The following ERCC6L2 variants were observed in gnomAD, a reference collection of about 807,000 sequenced individuals.
ERCC6L2 encodes ERCC excision repair 6 like 2, also known as DNA excision repair protein ERCC-6-like 2.
Under a neutral mutation model 132.0 loss-of-function variants are expected in ERCC6L2, and 77 were observed. The ratio of observed to expected loss-of-function variants is 0.58; its 90% CI spans 0.49 to 0.71. The LOEUF is 0.71. Ranked by LOEUF, ERCC6L2 falls within the 30% of genes least tolerant of loss-of-function variation. The pLI is 0.00. For synonymous variants in ERCC6L2, 583 were observed against 632.4 expected (o/e 0.92, Z 1.17); for missense variants, 1,542 against 1,837.6 (o/e 0.84, Z 2.94).
chr9:96,036,789 C>T (rs1203098627), intron 19 of ERCC6L2, among the ~76,000 whole-genome samples: 17 of 140,556 alleles, frequency 1.2e-4, no homozygotes, highest in East Asian at 2.1e-4. Flanking sequence ...TTTTTTGAGA[C>T]GGAGTCTCAC....
chr9:95,930,805 T>C (rs988272994), intron 11 of ERCC6L2, among the ~76,000 whole-genome samples: 1 of 152,200 alleles, frequency 6.6e-6, no homozygotes, highest in Admixed American at 6.5e-5. Flanking sequence ...CCATTAACTT[T>C]CCACATGCCT....
In ERCC6L2 at chr9:95,894,584, CTTTTTTTTTTT is replaced by C. The variant is rs1218474585; in HGVS notation, c.472-3248_472-3238del. On this transcript the variant is annotated intron_variant, in intron 2 of 18. Coordinates refer to ENST00000653738, the MANE Select transcript of ERCC6L2 (RefSeq NM_020207.7). ...CTTCTGTGGCCTGGCATATGTCAGC[CTTTTTTTTTTT>C]TTTTTTTTTTTTTTTTGAGACGGAG... is the stretch of plus-strand genomic sequence containing the variant. Among the ~76,000 whole-genome samples, 401 of 83,504 alleles carry C rather than the reference CTTTTTTTTTTT, an allele frequency of 4.8e-3. 3 individuals are homozygous for C. Among genetic ancestry groups the C allele is most frequent in the Non-Finnish European group, 7.2e-3 (330 of 45,642 alleles). The allele number at this position is 83,504 out of a possible 152,430, so 54.8% of individuals were successfully genotyped here.
At chr9:95,960,550 TTGATTGGAG>T (rs1313969057) in intron 13 of ERCC6L2, among the ~76,000 whole-genome samples, 9 of 152,054 alleles carry the variant, frequency 5.9e-5, no homozygotes, top group Non-Finnish European at 1.0e-4. Flanking sequence ...CACAGAGGCA[TTGATTGGAG>T]TGGTGTGCCA....
chr9:95,948,790 A>AG lies in ERCC6L2; in HGVS notation c.1848-7123dup, dbSNP rs1381485428. Among the ~76,000 whole-genome samples the AG allele has an allele frequency of 6.9e-3, 927 of 133,816 alleles. 14 individuals carry two copies. Among genetic ancestry groups the AG allele is most frequent in the African/African-American group, 0.025 (888 of 35,800 alleles). 87.8% of individuals were successfully genotyped at this position (133,816 alleles called of 152,430 possible). On this transcript the variant is annotated intron_variant, in intron 12 of 18. Coordinates refer to ENST00000653738, the MANE Select transcript of ERCC6L2 (RefSeq NM_020207.7). Reference sequence around the variant, plus strand: ...TTTCAAGAAAAGACCACAAGACATTAGAAAAAAAAAAAAAAAAAGAAAAGA... The same window carrying AG: ...TTTCAAGAAAAGACCACAAGACATTAGGAAAAAAAAAAAAAAAAAGAAAAGA...
intron 20 of ERCC6L2, among the ~76,000 whole-genome samples, chr9:96,041,073 G>A (rs902612942): frequency 4.6e-5 from 7 of 152,178 alleles, no homozygotes; most frequent in Non-Finnish European, 1.0e-4. Context: ...AAATAAACAT[G>A]AGCCCCAGGT....
At position 95,876,058 on chromosome 9, in the gene ERCC6L2, A is replaced by G; in HGVS notation, c.20A>G (p.Gln7Arg). 6.3e-7 allele frequency: 1 copy of G among 1,585,670 alleles called. No individual in the cohort carries two copies. Reference sequence around the variant, plus strand: ...GGCCGGATGGATCCGTCGGCGCCACAGCCCCGCGCGGAAACCTCAGGCAAA... The same window carrying G: ...GGCCGGATGGATCCGTCGGCGCCACGGCCCCGCGCGGAAACCTCAGGCAAA... MDPSAPQPRAETSGKDI... is the reference protein window; with the variant it reads MDPSAPRPRAETSGKDI... The change falls in exon 1 of 19, where the codon CAG becomes CGG. Residue 7 changes from glutamine to arginine, a missense_variant. Gln to Arg is a conservative substitution (Grantham distance 43). This residue lies in a region of ERCC6L2 where 153 missense variants were observed against 132.3 expected (regional missense o/e 1.16). Coordinates refer to ENST00000653738, the MANE Select transcript of ERCC6L2 (RefSeq NM_020207.7).
rs1175560951 is a variant in ERCC6L2 at position 95,971,956 on chromosome 9, A to G, written c.2205A>G (p.Glu735=). The part of the protein sequence containing the change: ...LEMPRQPDCQ[E]CRGTEQAAEP... ...AGCCTAGACAGCCTGACTGTCAGGAATGCAGAGGTACAGAACAAGCTGCAG... is the reference window on the plus strand; with the variant it reads ...AGCCTAGACAGCCTGACTGTCAGGAGTGCAGAGGTACAGAACAAGCTGCAG... The change falls in exon 16 of 19, where the codon GAA becomes GAG. Residue 735 remains glutamate, a synonymous_variant. Transcript: ENST00000653738. 15 of 1,301,528 alleles carry G rather than the reference A, an allele frequency of 1.2e-5. No homozygotes were observed. In the South Asian group the frequency reaches 1.7e-4, roughly 15 times the overall value. 80.6% of individuals were successfully genotyped at this position (1,301,528 alleles called of 1,614,324 possible).
At chr9:95,968,667 C>A (rs1188802091) in intron 14 of ERCC6L2, 1 of 152,060 alleles carries the variant, frequency 6.6e-6, no homozygotes, top group Non-Finnish European at 1.5e-5. Context: ...GATTTCTGGG[C>A]AATTTCATTC....
chr9:96,015,147 A>G lies in ERCC6L2; in HGVS notation c.*1944A>G, dbSNP rs951272224. Among the ~76,000 whole-genome samples the G allele has an allele frequency of 6.8e-6, 1 of 146,178 alleles. No individual in the cohort carries two copies. Among genetic ancestry groups the G allele is most frequent in the Admixed American group, 7.0e-5 (1 of 14,262 alleles). On this transcript the variant is annotated 3_prime_UTR_variant, in exon 19 of 19. Coordinates refer to ENST00000653738, the MANE Select transcript of ERCC6L2 (RefSeq NM_020207.7). ...ACAACTCTTATGCCTCAGCCTCCTG[A>G]GTAGCTAGGATTACAGGTGTGTACC...
At chr9:95,906,469 G>A (rs960172245) in intron 3 of ERCC6L2, 12 of 343,400 alleles carry the variant, frequency 3.5e-5, no homozygotes, top group African/African-American at 1.5e-4. Flanking sequence ...CATGAGCAGC[G>A]TACCCATGGC....
At chr9:95,980,574 C>G (rs1157303886) in intron 17 of ERCC6L2, among the ~76,000 whole-genome samples, 3 of 152,132 alleles carry the variant, frequency 2.0e-5, no homozygotes, top group Non-Finnish European at 4.4e-5. Context: ...TGTTCCCAAT[C>G]ACTGATTTCA....
chr9:95,999,221 C>CACCA (rs1258604819), intron 17 of ERCC6L2, among the ~76,000 whole-genome samples: 2 of 152,004 alleles, frequency 1.3e-5, no homozygotes, highest in Non-Finnish European at 2.9e-5. Context: ...ATTAGCCAGG[C>CACCA]GTGGTGGTGG....
chr9:95,954,274 T>A (rs1831489129), intron 12 of ERCC6L2, among the ~76,000 whole-genome samples: 2 of 152,196 alleles, frequency 1.3e-5, no homozygotes, highest in Non-Finnish European at 2.9e-5. Context: ...TTTCCCCCTT[T>A]TTTTTGATCT....
downstream of ERCC6L2, chr9:96,020,928 T>C (rs1270152918): frequency 2.2e-6 from 1 of 456,590 alleles, no homozygotes; most frequent in African/African-American, 2.0e-5. Context: ...TCACCCACCC[T>C]CCAAGACGCG....
chr9:95,907,400 T>G, intron 4 of ERCC6L2, 129 bp downstream of exon 4: 1 of 716,140 alleles, frequency 1.4e-6, no homozygotes. Context: ...AGACGGAGTT[T>G]CGCCACGTTG....
rs1829910852 is a variant in ERCC6L2 at position 95,922,390 on chromosome 9, T to C, written c.1385T>C (p.Leu462Pro). 4 of 1,612,082 alleles carry C rather than the reference T, an allele frequency of 2.5e-6. No homozygotes were observed. Among genetic ancestry groups the C allele is most frequent in the East Asian group, 2.2e-5 (1 of 44,806 alleles). ...LQKVANHVAL[L>P]QAASTSKQQE... ...AAGGTAGCTAACCATGTCGCGCTACTGCAAGCTGCTAGTACTTCCAAACAA... is the reference window on the plus strand; with the variant it reads ...AAGGTAGCTAACCATGTCGCGCTACCGCAAGCTGCTAGTACTTCCAAACAA... The change falls in exon 8 of 19, where the codon CTG (leucine) becomes CCG (proline). Residue 462 changes from leucine to proline, a missense_variant. Transcript: ENST00000653738.
intron 13 of ERCC6L2, among the ~76,000 whole-genome samples, chr9:95,958,948 C>T (rs1831758269): frequency 1.3e-5 from 2 of 151,158 alleles, no homozygotes; most frequent in Non-Finnish European, 3.0e-5. Flanking sequence ...AATGGCCATA[C>T]TGCCCAAGGT....
At chr9:95,883,168 G>A (rs141551387) in intron 2 of ERCC6L2, among the ~76,000 whole-genome samples, 126 of 152,214 alleles carry the variant, frequency 8.3e-4, no homozygotes, top group African/African-American at 2.5e-3. Flanking sequence ...GAGACACCAG[G>A]CCTCTCATTC....
rs549020379 is a variant in ERCC6L2 at position 95,912,536 on chromosome 9, A to C, written c.789-3132A>C. The stretch of plus-strand genomic sequence containing the variant: ...AAACATGACATCCTTATCCCTAAGT[A>C]TTTTAGCATGGATTTCCTAAAACTA... On this transcript the variant is annotated intron_variant, in intron 4 of 18. Coordinates refer to ENST00000653738, the MANE Select transcript of ERCC6L2 (RefSeq NM_020207.7). 3.3e-5 allele frequency among the ~76,000 whole-genome samples: 5 copies of C among 152,312 alleles called. No individual in the cohort carries two copies. In the East Asian group the frequency reaches 9.6e-4, roughly 29 times the overall value.
Sources: allele counts gnomAD v4.1 joint callset (sites outside exome capture counted in the v4.1 genomes callset), GRCh38; gene constraint gnomAD v4.1.1; regional missense constraint gnomAD v4.1.1; transcripts MANE v1.5; gene names NCBI Gene and HGNC (gene_info 2026-07-23, HGNC 2026-07-21).